The following LATS1 variants were observed in gnomAD, a reference collection of about 807,000 sequenced individuals.
LATS1 encodes the protein serine/threonine-protein kinase LATS1.
LATS1 carries 25 observed loss-of-function variants against 106.6 expected under a neutral mutation model. The ratio of observed to expected loss-of-function variants is 0.23; its 90% CI spans 0.17 to 0.33. The LOEUF is 0.33. Among genes scored for constraint, LATS1 ranks in the 10% least tolerant of loss-of-function variants. The pLI is 1.00. For synonymous variants in LATS1, 465 were observed against 455.6 expected, an observed-to-expected ratio of 1.02 and a Z score of -0.26; for missense variants, 1,040 against 1,382.6, an observed-to-expected ratio of 0.75 and a Z score of 3.93.
intron 5 of LATS1, among the ~76,000 whole-genome samples, chr6:149,677,286 C>T (rs1002007745): frequency 6.6e-6 from 1 of 151,966 alleles, no homozygotes; most frequent in Non-Finnish European, 1.5e-5. Context: ...TCAGCTAAAC[C>T]GTAAAAAAAC....
chr6:149,702,829 G>A (rs552155823), intron 1 of LATS1, among the ~76,000 whole-genome samples: 13 of 151,982 alleles, frequency 8.6e-5, no homozygotes, highest in Admixed American at 2.6e-4. Flanking sequence ...CCGCCACCAC[G>A]CCCAGCTAAC....
At chr6:149,682,892 T>C (rs1413761416) in intron 4 of LATS1, 187 bp downstream of exon 4, 1 of 580,178 alleles carries the variant, frequency 1.7e-6, no homozygotes, top group Admixed American at 3.7e-5. Context: ...TGAATAAATA[T>C]TGAAATACTA....
intron 7 of LATS1, among the ~76,000 whole-genome samples, chr6:149,664,687 A>C (rs1781049677): frequency 6.6e-6 from 1 of 152,184 alleles, no homozygotes; most frequent in East Asian, 1.9e-4. Context: ...GAAGATGTAA[A>C]TTTGAAGTAC....
chr6:149,713,467 T>G (rs536991376), intron 1 of LATS1, among the ~76,000 whole-genome samples: 1 of 149,146 alleles, frequency 6.7e-6, no homozygotes, highest in Non-Finnish European at 1.5e-5. Flanking sequence ...GCTAATTTTT[T>G]GTATTTTTAG....
chr6:149,659,186 C>T lies in LATS1; in HGVS notation c.*2543G>A, dbSNP rs1277523614. 6 of 175,416 alleles carry T rather than the reference C, an allele frequency of 3.4e-5. No homozygotes were observed. The highest frequency in any genetic ancestry group is 6.1e-5 in the Non-Finnish European group (5 of 81,394). The allele number at this position is 175,416 out of a possible 1,614,324, so 10.9% of individuals were successfully genotyped here. A position where few individuals can be genotyped will look rare whatever the true frequency, so the allele number is the denominator to read the frequency against. On this transcript the variant is annotated 3_prime_UTR_variant, in exon 8 of 8. Transcript: ENST00000543571. ...GAAATTTTAAAAGAATACATATTTG[C>T]GCCAGGCGCGGTGGGTCACGTCTGT... is the stretch of plus-strand genomic sequence containing the variant.
chr6:149,676,577 T>G lies in LATS1; in HGVS notation c.2754A>C (p.Ala918=). 4 of 1,614,022 alleles carry G rather than the reference T, an allele frequency of 2.5e-6. No individual in the cohort carries two copies. Among genetic ancestry groups the G allele is most frequent in the Non-Finnish European group, 3.4e-6 (4 of 1,180,028 alleles). ...TACCTGTTCGTAGCAACACTTCAGG[T>G]GCAATATAATTGGGAGTCCCAACCA... ...HSLVGTPNYI[A]PEVLLRTGYT... Residue 918 remains alanine (A), a synonymous_variant, in exon 6 of 8, where the codon GCA becomes GCC. Transcript: ENST00000543571.
At chr6:149,699,896 C>T (rs1783356642) in intron 2 of LATS1, among the ~76,000 whole-genome samples, 1 of 152,128 alleles carries the variant, frequency 6.6e-6, no homozygotes, top group Admixed American at 6.6e-5. Flanking sequence ...TATGTGATTT[C>T]ATAACTTCTC....
intron 3 of LATS1, among the ~76,000 whole-genome samples, chr6:149,686,447 T>A (rs1458547920): frequency 1.3e-5 from 2 of 152,140 alleles, no homozygotes; most frequent in Non-Finnish European, 2.9e-5. Flanking sequence ...GAGCTCTCCA[T>A]GTTCTTCCAC....
chr6:149,674,676 G>C (rs1781617629), intron 7 of LATS1, among the ~76,000 whole-genome samples: 1 of 148,364 alleles, frequency 6.7e-6, no homozygotes, highest in South Asian at 2.3e-4. Flanking sequence ...ACCCATCCCA[G>C]CACTTTGGGA....
chr6:149,683,757 G>C lies in LATS1; in HGVS notation c.1332C>G (p.Ser444=). 5.0e-6 allele frequency: 8 copies of C among 1,613,834 alleles called. No individual in the cohort carries two copies. The highest frequency in any genetic ancestry group is 6.8e-6 in the Non-Finnish European group (8 of 1,180,006). The change falls in exon 4 of 8, where the codon TCC becomes TCG. Residue 444 remains serine, a synonymous_variant. Transcript: ENST00000543571. ...PQSSSAPAQS[S]PSSGHEIPTW... Reference sequence around the variant, plus strand: ...TAGGGATTTCATGCCCACTGCTCGGGGATGACTGGGCTGGAGCAGAAGATG... The same window carrying C: ...TAGGGATTTCATGCCCACTGCTCGGCGATGACTGGGCTGGAGCAGAAGATG...
Position 149,659,216 on chromosome 6 carries a change from C to G in LATS1, c.*2513G>C. The G allele has an allele frequency of 5.6e-6, 1 of 178,958 alleles. No individual in the cohort carries two copies. Among genetic ancestry groups the G allele is most frequent in the East Asian group, 9.3e-5 (1 of 10,766 alleles). 11.1% of individuals were successfully genotyped at this position (178,958 alleles called of 1,614,324 possible). A position where few individuals can be genotyped will look rare whatever the true frequency, so the allele number is the denominator to read the frequency against. ...GGCGCGGTGGGTCACGTCTGTAATC[C>G]CAGCACTTTGGGAGGCTGAGGTGGG... On this transcript the variant is annotated 3_prime_UTR_variant, in exon 8 of 8. Coordinates refer to ENST00000543571, the MANE Select transcript of LATS1 (RefSeq NM_004690.4).
At chr6:149,681,320 T>C (rs191258362) in intron 4 of LATS1, among the ~76,000 whole-genome samples, 151 of 152,290 alleles carry the variant, frequency 9.9e-4, no homozygotes, top group Middle Eastern at 3.4e-3. Context: ...GTTGGAAAAG[T>C]GGGGTCTAAT....
At chr6:149,681,037 G>GC (rs1782008416) in intron 4 of LATS1, among the ~76,000 whole-genome samples, 1 of 151,882 alleles carries the variant, frequency 6.6e-6, no homozygotes, top group Non-Finnish European at 1.5e-5. Flanking sequence ...ATTTTTCAGG[G>GC]CATCAGAGTA....
intron 7 of LATS1, among the ~76,000 whole-genome samples, chr6:149,663,416 A>C (rs1188779018): frequency 2.0e-5 from 3 of 152,148 alleles, no homozygotes; most frequent in South Asian, 2.1e-4. Context: ...TCGAGGCTAG[A>C]GTGAGCCGTG....
At chr6:149,693,199 G>A (rs1782871564) in intron 3 of LATS1, among the ~76,000 whole-genome samples, 1 of 151,842 alleles carries the variant, frequency 6.6e-6, no homozygotes, top group Admixed American at 6.6e-5. Flanking sequence ...GGAGGCGGAG[G>A]TTGGGAGGTG....
In LATS1 at chr6:149,683,845, T is replaced by C. The variant is rs1460737340; in HGVS notation, c.1244A>G (p.Asn415Ser). Residue 415 changes from asparagine to serine, a missense_variant, in exon 4 of 8, where the codon AAT (asparagine) becomes AGT (serine). Physicochemically the swap from Asn to Ser is conservative, Grantham distance 46. Transcript: ENST00000543571. ...IPQSMMVPNR[N>S]SHNMELYNIS... ...GTTATATAGTTCCATGTTATGACTA[T>C]TTCTGTTTGGCACCATCATAGACTG... 2 of 1,614,138 alleles carry C rather than the reference T, an allele frequency of 1.2e-6. No individual in the cohort carries two copies. Among genetic ancestry groups the C allele is most frequent in the South Asian group, 1.1e-5 (1 of 91,088 alleles).
At chr6:149,670,713 G>T (rs184325147) in intron 7 of LATS1, among the ~76,000 whole-genome samples, 1 of 152,078 alleles carries the variant, frequency 6.6e-6, no homozygotes, top group Non-Finnish European at 1.5e-5. Context: ...AAGAGACAGA[G>T]ATCCATTTCT....
intron 3 of LATS1, among the ~76,000 whole-genome samples, chr6:149,688,122 G>T (rs9505967): frequency 6.7e-6 from 1 of 150,010 alleles, no homozygotes; most frequent in African/African-American, 2.5e-5. Context: ...TGATCTGCCC[G>T]TCTTGGCCTC....
intron 2 of LATS1, among the ~76,000 whole-genome samples, chr6:149,700,646 G>A (rs1783399309): frequency 2.6e-5 from 4 of 151,874 alleles, no homozygotes; most frequent in Admixed American, 2.6e-4. Flanking sequence ...AAACAGTGAA[G>A]GAATTTTAAG....
Sources: allele counts gnomAD v4.1 joint callset (sites outside exome capture counted in the v4.1 genomes callset), GRCh38; gene constraint gnomAD v4.1.1; transcripts MANE v1.5; gene names NCBI Gene and HGNC (gene_info 2026-07-23, HGNC 2026-07-21).